SCAI: variants seen among roughly 807,000 people sequenced by gnomAD.
The protein encoded by SCAI is suppressor of cancer cell invasion, also known as protein SCAI.
SCAI carries 24 observed loss-of-function variants against 92.2 expected under a neutral mutation model. The observed-to-expected ratio is 0.26, with a 90% CI of 0.19 to 0.37. The LOEUF (loss-of-function observed/expected upper bound fraction) is 0.37, where lower values mean the gene tolerates loss of function less well. Among genes scored for constraint, SCAI ranks in the 10% least tolerant of loss-of-function variants. The pLI is 1.00. For synonymous variants in SCAI, 261 were observed against 258.6 expected, an observed-to-expected ratio of 1.01 and a Z score of -0.09; for missense variants, 450 against 736.2, an observed-to-expected ratio of 0.61 and a Z score of 4.50.
At chr9:124,976,284 C>T in intron 14 of SCAI, 98 bp from the exon 15 acceptor site, 1 of 791,920 alleles carries the variant, frequency 1.3e-6, no homozygotes, top group Non-Finnish European at 2.1e-6. Flanking sequence ...TAGATTGGGC[C>T]CTTAAACTCA....
At chr9:124,984,382 T>A (rs929049512) in intron 14 of SCAI, among the ~76,000 whole-genome samples, 4 of 152,140 alleles carry the variant, frequency 2.6e-5, no homozygotes, top group African/African-American at 9.7e-5. Flanking sequence ...AGTAGAAAGG[T>A]GGCATATCTG....
chr9:125,007,897 G>A (rs1035287300), intron 9 of SCAI, among the ~76,000 whole-genome samples: 5 of 151,910 alleles, frequency 3.3e-5, no homozygotes, highest in Non-Finnish European at 5.9e-5. Context: ...CCAGGCTGGA[G>A]TGCAGTGGTC....
At position 124,944,291 on chromosome 9, in the gene SCAI, T is replaced by C. The variant is rs1013998685; in HGVS notation, c.*8516A>G. 6.6e-6 allele frequency: 1 copy of C among 150,378 alleles called. No individual in the cohort carries two copies. Among genetic ancestry groups the C allele is most frequent in the African/African-American group, 2.4e-5 (1 of 41,058 alleles). 9.3% of individuals were successfully genotyped at this position (150,378 alleles called of 1,614,324 possible). A position where few individuals can be genotyped will look rare whatever the true frequency, so the allele number is the denominator to read the frequency against. ...AAAACCATTCTTCAGGAAATAGTAA[T>C]AAAAATTCCTTTTTTTTTTTTTTTT... On this transcript the variant is annotated 3_prime_UTR_variant, in exon 18 of 18. Coordinates refer to ENST00000336505, the MANE Select transcript of SCAI (RefSeq NM_001144877.3).
At chr9:124,963,772 A>AG (rs1300596142) in intron 17 of SCAI, among the ~76,000 whole-genome samples, 1 of 150,906 alleles carries the variant, frequency 6.6e-6, no homozygotes, top group African/African-American at 2.4e-5. Context: ...AAAAAAAAAA[A>AG]AAAAAAAAAA....
chr9:125,003,337 G>C lies in SCAI; in HGVS notation c.964-122C>G. Reference sequence around the variant, plus strand: ...TTTTCACACTCAGTCTTACTGTGATGATCTATTTCTCCATGTCTCATCAAG... The same window carrying C: ...TTTTCACACTCAGTCTTACTGTGATCATCTATTTCTCCATGTCTCATCAAG... On this transcript the variant is annotated intron_variant, in intron 10 of 17. Coordinates refer to ENST00000336505, the MANE Select transcript of SCAI (RefSeq NM_001144877.3). The C allele has an allele frequency of 3.0e-6, 3 of 991,150 alleles. No individual in the cohort carries two copies. The Admixed American group carries it at 5.3e-5, about 18-fold the overall frequency. 61.4% of individuals were successfully genotyped at this position (991,150 alleles called of 1,614,324 possible). A position where few individuals can be genotyped will look rare whatever the true frequency, so the allele number is the denominator to read the frequency against.
chr9:125,000,563 T>C (rs10986515), intron 12 of SCAI, among the ~76,000 whole-genome samples: 5,945 of 150,622 alleles, frequency 0.039, 291 homozygotes, highest in African/African-American at 0.098. Flanking sequence ...GATCACACCA[T>C]TGCACTCCAG....
intron 2 of SCAI, among the ~76,000 whole-genome samples, chr9:125,120,925 T>C (rs1835144903): frequency 6.6e-6 from 1 of 151,288 alleles, no homozygotes; most frequent in Non-Finnish European, 1.5e-5. Flanking sequence ...TTTAGGGACT[T>C]CCCAGAAAAA....
At chr9:125,035,957 T>C (rs565912684) in intron 3 of SCAI, among the ~76,000 whole-genome samples, 27 of 152,310 alleles carry the variant, frequency 1.8e-4, no homozygotes, top group Admixed American at 3.3e-4. Context: ...AGAGTAGCCA[T>C]TCTTTTCTTT....
chr9:125,016,603 G>A (rs1188094670), intron 9 of SCAI, among the ~76,000 whole-genome samples: 1 of 151,932 alleles, frequency 6.6e-6, no homozygotes, highest in African/African-American at 2.4e-5. Context: ...ACAGACCAAA[G>A]GAACAGAATG....
chr9:125,050,981 C>T (rs572305615), intron 3 of SCAI, among the ~76,000 whole-genome samples: 2 of 152,242 alleles, frequency 1.3e-5, no homozygotes, highest in African/African-American at 4.8e-5. Flanking sequence ...ATATAGTTTG[C>T]TCACCACAGA....
intron 2 of SCAI, among the ~76,000 whole-genome samples, chr9:125,083,137 G>A (rs1390475735): frequency 6.6e-6 from 1 of 152,162 alleles, no homozygotes; most frequent in Admixed American, 6.5e-5. Context: ...TCTCATGACA[G>A]ACAATAAGTC....
At position 125,013,063 on chromosome 9, in the gene SCAI, C is replaced by A. The variant is rs909191394; in HGVS notation, c.861+5736G>T. ...AGGGAAATTTATAGCACTAAATGCC[C>A]ACAAGAGAAAGCAAGAAAGATCCAA... On this transcript the variant is annotated intron_variant, in intron 9 of 17. Transcript: ENST00000336505. 1.4e-3 allele frequency among the ~76,000 whole-genome samples: 207 copies of A among 151,948 alleles called. 3 individuals carry two copies. The highest frequency in any genetic ancestry group is 4.6e-3 in the African/African-American group (192 of 41,440).
At chr9:125,050,911 C>T (rs909414904) in intron 3 of SCAI, among the ~76,000 whole-genome samples, 9 of 152,064 alleles carry the variant, frequency 5.9e-5, no homozygotes, top group African/African-American at 2.2e-4. Context: ...AACAATACGG[C>T]TGCTATACTG....
chr9:124,977,139 GATT>G (rs956965304), intron 14 of SCAI, among the ~76,000 whole-genome samples: 5 of 152,088 alleles, frequency 3.3e-5, no homozygotes, highest in African/African-American at 1.2e-4. Context: ...AAAATGCTGG[GATT>G]ACAGGCATGA....
At position 124,946,490 on chromosome 9, in the gene SCAI, G is replaced by A; in HGVS notation, c.*6317C>T. ...AGAATACGGTGTAAAAAGTTGCTTT[G>A]CAGTTATATTTTATCATGCAAAAAT... On this transcript the variant is annotated 3_prime_UTR_variant, in exon 18 of 18. Transcript: ENST00000336505. The surrounding 1 kb of genome is among the most constrained non-coding windows in gnomAD (Gnocchi z 4.0). 6.6e-6 allele frequency: 1 copy of A among 152,126 alleles called. No individual in the cohort carries two copies. Among genetic ancestry groups the A allele is most frequent in the South Asian group, 2.1e-4 (1 of 4,834 alleles). 9.4% of individuals were successfully genotyped at this position (152,126 alleles called of 1,614,324 possible).
intron 9 of SCAI, among the ~76,000 whole-genome samples, chr9:125,012,271 T>C (rs1317683717): frequency 6.6e-6 from 1 of 152,186 alleles, no homozygotes; most frequent in Non-Finnish European, 1.5e-5. Context: ...ACCAGTGTGC[T>C]GTATTCAGGA....
chr9:125,054,566 A>G (rs1019715735), intron 3 of SCAI, among the ~76,000 whole-genome samples: 1 of 152,178 alleles, frequency 6.6e-6, no homozygotes, highest in African/African-American at 2.4e-5. Flanking sequence ...CTAAGTATGC[A>G]AATTTAAGAG....
chr9:125,104,957 CAAA>C (rs201424630), intron 2 of SCAI, among the ~76,000 whole-genome samples: 7 of 95,792 alleles, frequency 7.3e-5, no homozygotes, highest in Admixed American at 1.1e-4. Flanking sequence ...GACCCTGTCT[CAAA>C]AAAAAAAAAA....
chr9:124,979,788 G>A (rs751698890), intron 14 of SCAI, among the ~76,000 whole-genome samples: 4 of 152,106 alleles, frequency 2.6e-5, no homozygotes, highest in South Asian at 2.1e-4. Flanking sequence ...GGTGGCTCAC[G>A]CCTGTAATCC....
Sources: allele counts gnomAD v4.1 joint callset (sites outside exome capture counted in the v4.1 genomes callset), GRCh38; gene constraint gnomAD v4.1.1; non-coding constraint Gnocchi (gnomAD v3.1); transcripts MANE v1.5; gene names NCBI Gene and HGNC (gene_info 2026-07-23, HGNC 2026-07-21).